The following PLEKHG1 variants were observed in gnomAD, a reference collection of about 807,000 sequenced individuals.
PLEKHG1 encodes pleckstrin homology domain-containing family G member 1.
PLEKHG1 carries 44 observed loss-of-function variants against 100.8 expected under a neutral mutation model. The observed-to-expected ratio is 0.44, with a 90% CI of 0.34 to 0.56. PLEKHG1 has a LOEUF of 0.56. Ranked by LOEUF, PLEKHG1 falls within the 20% of genes least tolerant of loss-of-function variation. PLEKHG1 has a pLI of 0.01. For missense variants in PLEKHG1, 1,545 were observed against 1,720.9 expected (o/e 0.90, Z 1.81); for synonymous variants, 640 against 662.5 (o/e 0.97, Z 0.52).
At chr6:150,801,315 G>T (rs1443876059) in intron 6 of PLEKHG1, among the ~76,000 whole-genome samples, 1 of 152,096 alleles carries the variant, frequency 6.6e-6, no homozygotes, top group Non-Finnish European at 1.5e-5. Context: ...TGATCTCCAA[G>T]CTGGGCTTAG....
intron 3 of PLEKHG1, among the ~76,000 whole-genome samples, chr6:150,697,419 A>T (rs1349540436): frequency 6.6e-6 from 1 of 152,208 alleles, no homozygotes; most frequent in Non-Finnish European, 1.5e-5. Context: ...CGTGGAGCTT[A>T]AGGCACTAGC....
At chr6:150,756,170 A>G (rs1050188455) in intron 2 of PLEKHG1, among the ~76,000 whole-genome samples, 5 of 151,884 alleles carry the variant, frequency 3.3e-5, no homozygotes, top group African/African-American at 1.2e-4. Context: ...CTTCGTGTTT[A>G]CCCCCTGGCC....
At chr6:150,815,313 G>T (rs1787803001) in intron 10 of PLEKHG1, among the ~76,000 whole-genome samples, 1 of 152,056 alleles carries the variant, frequency 6.6e-6, no homozygotes, top group Non-Finnish European at 1.5e-5. Flanking sequence ...ATGGTCCTTG[G>T]CTGACACCTA....
intron 3 of PLEKHG1, among the ~76,000 whole-genome samples, chr6:150,681,289 A>G (rs1210967095): frequency 6.6e-6 from 1 of 152,122 alleles, no homozygotes; most frequent in Non-Finnish European, 1.5e-5. Flanking sequence ...CGGGAGGCTG[A>G]GGCGGGTAGA....
At chr6:150,693,021 T>TTTAA (rs1231088352) in intron 3 of PLEKHG1, among the ~76,000 whole-genome samples, 6 of 152,254 alleles carry the variant, frequency 3.9e-5, no homozygotes, top group South Asian at 4.1e-4. Flanking sequence ...GATAAGGAGC[T>TTTAA]TGGATTTAAT....
intron 3 of PLEKHG1, among the ~76,000 whole-genome samples, chr6:150,658,627 C>G (rs1426988340): frequency 1.3e-5 from 2 of 152,200 alleles, no homozygotes; most frequent in Non-Finnish European, 2.9e-5. Context: ...CCAGTCACCT[C>G]TGTGATCACA....
At chr6:150,740,162 G>C (rs1445327290) in intron 2 of PLEKHG1, among the ~76,000 whole-genome samples, 1 of 152,246 alleles carries the variant, frequency 6.6e-6, no homozygotes, top group African/African-American at 2.4e-5. Flanking sequence ...AGATGTCTGT[G>C]ACTTGGATGA....
At chr6:150,789,532 A>G (rs1785840748) in intron 4 of PLEKHG1, among the ~76,000 whole-genome samples, 2 of 152,236 alleles carry the variant, frequency 1.3e-5, no homozygotes. Flanking sequence ...CACAAAATGC[A>G]CAGAAATTCA....
chr6:150,610,032 C>T (rs1408662375), intron 1 of PLEKHG1, among the ~76,000 whole-genome samples: 2 of 152,210 alleles, frequency 1.3e-5, no homozygotes, highest in Non-Finnish European at 2.9e-5. Context: ...TCACCACAAG[C>T]ACCTACGAAG....
At chr6:150,674,632 C>CCT (rs756355880) in intron 3 of PLEKHG1, among the ~76,000 whole-genome samples, 1,488 of 65,906 alleles carry the variant, frequency 0.023, 53 homozygotes, top group East Asian at 0.056. Context: ...CTCTCTCCTC[C>CCT]CTCTCTCTCT....
intron 1 of PLEKHG1, among the ~76,000 whole-genome samples, chr6:150,613,283 T>C (rs568897582): frequency 6.6e-6 from 1 of 152,352 alleles, no homozygotes; most frequent in Non-Finnish European, 1.5e-5. Context: ...CTTTATAACA[T>C]GCAAACGCCT....
At chr6:150,796,031 A>G in intron 5 of PLEKHG1, 129 bp downstream of exon 6, 1 of 611,024 alleles carries the variant, frequency 1.6e-6, no homozygotes, top group Non-Finnish European at 3.0e-6. Flanking sequence ...GGAAGAATGC[A>G]AAACGTGCTG....
At chr6:150,828,617 C>CAA (rs546053449) in intron 14 of PLEKHG1, among the ~76,000 whole-genome samples, 22 of 134,918 alleles carry the variant, frequency 1.6e-4, no homozygotes, top group Admixed American at 6.0e-4. Context: ...ATTTGTATGG[C>CAA]AAAAAAAAAA....
chr6:150,768,602 G>A (rs777885657), intron 2 of PLEKHG1, 36 bp from the exon 4 acceptor site: 1 of 1,084,592 alleles, frequency 9.2e-7, no homozygotes, highest in South Asian at 1.3e-5. Flanking sequence ...GGAAAGGACA[G>A]GAGTGTTTAA....
chr6:150,819,848 A>T, intron 12 of PLEKHG1, 74 bp downstream of exon 13: 2 of 865,898 alleles, frequency 2.3e-6, no homozygotes, highest in Non-Finnish European at 4.0e-6. Context: ...AGTCTGACAA[A>T]AGGGAATGTT....
intron 10 of PLEKHG1, among the ~76,000 whole-genome samples, chr6:150,815,979 A>G (rs1787841300): frequency 6.6e-6 from 1 of 152,180 alleles, no homozygotes; most frequent in South Asian, 2.1e-4. Context: ...ATGAAAGCAC[A>G]TTACGTTTAT....
At chr6:150,724,032 G>A (rs947793907) in intron 1 of PLEKHG1, among the ~76,000 whole-genome samples, 2 of 152,204 alleles carry the variant, frequency 1.3e-5, no homozygotes, top group Non-Finnish European at 2.9e-5. Context: ...TTTCTGTGGT[G>A]TGGCAGAGTC....
intron 3 of PLEKHG1, chr6:150,651,095 A>G (rs532451630): frequency 9.2e-5 from 14 of 152,352 alleles, no homozygotes; most frequent in African/African-American, 3.4e-4. Flanking sequence ...AAATAGAACA[A>G]TTATAACAAC....
At chr6:150,608,562 A>G (rs934302335) in intron 1 of PLEKHG1, among the ~76,000 whole-genome samples, 4 of 152,250 alleles carry the variant, frequency 2.6e-5, no homozygotes, top group Non-Finnish European at 5.9e-5. Flanking sequence ...TGCAGAAGAT[A>G]TGCTTGGCAA....
Sources: allele counts gnomAD v4.1 joint callset (sites outside exome capture counted in the v4.1 genomes callset), GRCh38; gene constraint gnomAD v4.1.1; transcripts MANE v1.5; gene names NCBI Gene and HGNC (gene_info 2026-07-23, HGNC 2026-07-21).